The following PPA2 variants were observed in gnomAD, a reference collection of about 807,000 sequenced individuals.
PPA2 encodes the protein inorganic pyrophosphatase 2, also known as inorganic pyrophosphatase 2, mitochondrial.
A neutral mutation model predicts 49.5 loss-of-function variants in PPA2; 48 were observed. That is an observed-to-expected ratio of 0.97 (90% CI 0.77 to 1.23). The LOEUF (loss-of-function observed/expected upper bound fraction) is 1.23, where lower values mean the gene tolerates loss of function less well. Ranked by LOEUF, PPA2 falls within the 50% of genes most tolerant of loss-of-function variation. The pLI is 0.00. For synonymous variants in PPA2, 131 were observed against 139.9 expected (o/e 0.94, Z 0.45); for missense variants, 429 against 410.1 (o/e 1.05, Z -0.40).
rs765461880 is a variant in PPA2, at chr4:105,369,757, C to T, written c.977-4G>A. ...CCAAGGAAGTGCCACACTTGCTCTG[C>T]ATTTAAAATGGGGAAAGAGGGTATT... On this transcript the variant is annotated splice_region_variant and splice_polypyrimidine_tract_variant and intron_variant, in intron 11 of 11. Transcript: ENST00000341695. The T allele has an allele frequency of 3.8e-6, 6 of 1,585,612 alleles. No homozygotes were observed. In the South Asian group the frequency reaches 4.4e-5, roughly 12 times the overall value.
intron 5 of PPA2, among the ~76,000 whole-genome samples, chr4:105,441,163 T>C (rs1724343412): frequency 6.6e-6 from 1 of 152,124 alleles, no homozygotes; most frequent in South Asian, 2.1e-4. Flanking sequence ...AGAAGAAATA[T>C]CAAGAAGCAG....
chr4:105,451,643 G>A (rs1722682493), intron 3 of PPA2, among the ~76,000 whole-genome samples: 1 of 152,198 alleles, frequency 6.6e-6, no homozygotes, highest in African/African-American at 2.4e-5. Flanking sequence ...ACAAATGCTT[G>A]CAGATGAATA....
At chr4:105,454,281 T>C (rs1722786381) in intron 2 of PPA2, among the ~76,000 whole-genome samples, 1 of 145,704 alleles carries the variant, frequency 6.9e-6, no homozygotes, top group Non-Finnish European at 1.5e-5. Context: ...CTCTGAAACA[T>C]TATTTTTGTT....
At chr4:105,408,807 C>A (rs987488608) in intron 7 of PPA2, among the ~76,000 whole-genome samples, 1 of 152,058 alleles carries the variant, frequency 6.6e-6, no homozygotes, top group Non-Finnish European at 1.5e-5. Flanking sequence ...AAAAGATAAA[C>A]AAGAATACCT....
intron 1 of PPA2, among the ~76,000 whole-genome samples, chr4:105,468,030 A>T (rs1214447793): frequency 6.6e-6 from 1 of 152,242 alleles, no homozygotes; most frequent in Non-Finnish European, 1.5e-5. Flanking sequence ...GAGCAACAGC[A>T]ATGGTCAGCA....
chr4:105,391,320 C>T (rs1379749762), intron 9 of PPA2, among the ~76,000 whole-genome samples: 4 of 107,928 alleles, frequency 3.7e-5, no homozygotes, highest in Non-Finnish European at 6.8e-5. Flanking sequence ...ATGTTCTGCA[C>T]ATGTATCCTG....
chr4:105,399,241 G>A (rs1734263690), intron 7 of PPA2, 77 bp from the exon 8 acceptor site: 1 of 1,432,342 alleles, frequency 7.0e-7, no homozygotes, highest in Non-Finnish European at 9.4e-7. Flanking sequence ...ATTGGACTGA[G>A]GGAGCCAGGA....
chr4:105,457,833 G>A (rs113810604), intron 1 of PPA2, among the ~76,000 whole-genome samples: 5,016 of 152,256 alleles, frequency 0.033, 273 homozygotes, highest in African/African-American at 0.11. Flanking sequence ...CCGAAGTATA[G>A]GGATTACAGG....
rs57073135 is a variant in PPA2 at position 105,458,818 on chromosome 4, CAAAAAAAAAAAAA to C, written c.158-2086_158-2074del. 2.9e-4 allele frequency among the ~76,000 whole-genome samples: 9 copies of C among 31,530 alleles called. No homozygotes were observed. The East Asian group carries it at 5.8e-3, about 20-fold the overall frequency. 20.7% of individuals were successfully genotyped at this position (31,530 alleles called of 152,430 possible). On this transcript the variant is annotated intron_variant, in intron 1 of 11. Coordinates refer to ENST00000341695, the MANE Select transcript of PPA2 (RefSeq NM_176869.3). ...GCCTGGCGACACAAGACTCCACCTC[CAAAAAAAAAAAAA>C]AAAAAAAAAAAAAAGGCATGTAACT... is the stretch of plus-strand genomic sequence containing the variant.
intron 7 of PPA2, 104 bp downstream of exon 7, chr4:105,424,092 T>G: frequency 8.2e-7 from 1 of 1,217,718 alleles, no homozygotes; most frequent in Non-Finnish European, 1.1e-6. Context: ...CCTCTCTCTT[T>G]TTTAAAAAGT....
At chr4:105,379,526 T>C (rs1331150797) in intron 10 of PPA2, among the ~76,000 whole-genome samples, 1 of 151,840 alleles carries the variant, frequency 6.6e-6, no homozygotes, top group Non-Finnish European at 1.5e-5. Flanking sequence ...TGCAATGGCA[T>C]GATCCTGACT....
At chr4:105,401,997 T>C (rs564640402) in intron 7 of PPA2, among the ~76,000 whole-genome samples, 8 of 152,354 alleles carry the variant, frequency 5.3e-5, no homozygotes, top group Non-Finnish European at 1.2e-4. Flanking sequence ...TTATGAGATG[T>C]AATTAAATAT....
intron 7 of PPA2, among the ~76,000 whole-genome samples, chr4:105,408,553 G>A (rs1479764553): frequency 6.6e-6 from 1 of 151,940 alleles, no homozygotes; most frequent in Non-Finnish European, 1.5e-5. Flanking sequence ...AGGAGGGAAT[G>A]GACTGAAAGA....
At position 105,370,492 on chromosome 4, in the gene PPA2, TA is replaced by T. The variant is rs775131235; in HGVS notation, c.976+344del. On this transcript the variant is annotated intron_variant, in intron 11 of 11. Transcript: ENST00000341695. ...TCTTCAGCTAAAATAAGTGATTCATTAAAAAAAGATAAATATCTAAATGTAA... is the reference window on the plus strand; with the variant it reads ...TCTTCAGCTAAAATAAGTGATTCATTAAAAAAGATAAATATCTAAATGTAA... 2.8e-5 allele frequency: 17 copies of T among 599,258 alleles called. No homozygotes were observed. In the South Asian group the frequency reaches 3.8e-4, roughly 13 times the overall value. The allele number at this position is 599,258 out of a possible 1,614,324, so 37.1% of individuals were successfully genotyped here. A position where few individuals can be genotyped will look rare whatever the true frequency, so the allele number is the denominator to read the frequency against.
At chr4:105,429,146 C>G (rs1483442997) in intron 6 of PPA2, among the ~76,000 whole-genome samples, 1 of 152,056 alleles carries the variant, frequency 6.6e-6, no homozygotes, top group Non-Finnish European at 1.5e-5. Flanking sequence ...GAAGCAAAAC[C>G]TTTAATTTCA....
chr4:105,446,597 TA>T, intron 4 of PPA2, 95 bp from the exon 5 acceptor site: 1 of 1,341,942 alleles, frequency 7.5e-7, no homozygotes, highest in Non-Finnish European at 1.0e-6. Flanking sequence ...ATTTTCAGAC[TA>T]AACATTCATA....
rs549142412 is a variant in PPA2, at chr4:105,375,354, G to A, written c.940-4481C>T. Among the ~76,000 whole-genome samples, 259 of 150,888 alleles carry A rather than the reference G, an allele frequency of 1.7e-3. 3 individuals carry two copies. The highest frequency in any genetic ancestry group is 5.2e-3 in the Admixed American group (79 of 15,128). On this transcript the variant is annotated intron_variant, in intron 10 of 11. Coordinates refer to ENST00000341695, the MANE Select transcript of PPA2 (RefSeq NM_176869.3). The stretch of plus-strand genomic sequence containing the variant: ...TCTTTTCTTCATAAATCAGGGTCTG[G>A]TTCTAATCAGACCCTGATTTATGAA...
intron 10 of PPA2, among the ~76,000 whole-genome samples, chr4:105,380,269 C>T (rs1560604272): frequency 1.3e-5 from 2 of 152,116 alleles, no homozygotes; most frequent in Non-Finnish European, 2.9e-5. Flanking sequence ...TGCAAGCTGT[C>T]AAATTTATTG....
intron 7 of PPA2, among the ~76,000 whole-genome samples, chr4:105,415,421 G>A (rs921069247): frequency 6.6e-6 from 1 of 152,218 alleles, no homozygotes; most frequent in African/African-American, 2.4e-5. Flanking sequence ...GTGTGTCAGT[G>A]CCACTATGAG....
Sources: gnomAD v4.1 joint callset for allele counts (sites outside exome capture counted in the v4.1 genomes callset) on GRCh38, gnomAD v4.1.1 for gene constraint, MANE v1.5 for transcripts, NCBI Gene and HGNC (gene_info 2026-07-23, HGNC 2026-07-21) for gene names.